Variants in PIR observed in about 807,000 individuals in gnomAD.
PIR encodes the protein pirin (iron-binding nuclear protein).
Under a neutral mutation model 24.2 loss-of-function variants are expected in PIR, and 22 were observed. The observed-to-expected ratio is 0.91, with a 90% confidence interval of 0.65 to 1.30. The LOEUF (loss-of-function observed/expected upper bound fraction) is 1.30. Ranked by LOEUF, PIR falls within the 50% of genes most tolerant of loss-of-function variation. The pLI, the probability that PIR is intolerant of heterozygous loss-of-function variation, is 0.00. For synonymous variants in PIR, 80 were observed against 79.6 expected (o/e 1.00, Z -0.03); for missense variants, 220 against 220.3 (o/e 1.00, Z 0.01).
intron 6 of PIR, among the ~76,000 whole-genome samples, chrX:15,420,075 T>C (rs1329786770): frequency 9.2e-6 from 1 of 109,028 alleles, no homozygotes; most frequent in Non-Finnish European, 1.9e-5. Flanking sequence ...CATGCGCCTG[T>C]AGTCTCAGGT....
chrX:15,394,435 C>T (rs970935729), intron 8 of PIR, among the ~76,000 whole-genome samples: 1 of 111,554 alleles, frequency 9.0e-6, no homozygotes, highest in African/African-American at 3.3e-5. Context: ...TGAATAGTGC[C>T]AGTTAAAAAG....
chrX:15,483,927 T>C (rs1769245853), intron 2 of PIR, among the ~76,000 whole-genome samples: 1 of 112,666 alleles, frequency 8.9e-6, no homozygotes, highest in Admixed American at 9.4e-5. Context: ...TGTGTTGTTG[T>C]GGTTCTATTA....
intron 7 of PIR, among the ~76,000 whole-genome samples, chrX:15,398,630 T>G (rs776064887): frequency 9.1e-6 from 1 of 109,462 alleles, no homozygotes; most frequent in East Asian, 2.9e-4. Context: ...TTTAAACCCA[T>G]GTTTATCTGT....
intron 5 of PIR, among the ~76,000 whole-genome samples, chrX:15,430,016 T>C (rs946933665): frequency 6.2e-5 from 7 of 112,072 alleles, no homozygotes; most frequent in Non-Finnish European, 9.4e-5. Flanking sequence ...TTATGTATAG[T>C]ATTAAACTAT....
intron 5 of PIR, among the ~76,000 whole-genome samples, chrX:15,437,898 T>C (rs1925800324): frequency 8.9e-6 from 1 of 112,515 alleles, no homozygotes; most frequent in Admixed American, 9.4e-5. Context: ...CTTGTGCCAC[T>C]GTCTCTGGAA....
chrX:15,451,950 C>T lies in PIR; in HGVS notation c.480+3898G>A, dbSNP rs763574692. The stretch of plus-strand genomic sequence containing the variant: ...TACAAGTAATAGCCAACCTAATCCT[C>T]CCAGCAACCCTCTGAGCTGGGTCAT... On this transcript the variant is annotated intron_variant, in intron 5 of 9. Transcript: ENST00000380420. 5.4e-5 allele frequency among the ~76,000 whole-genome samples: 6 copies of T among 111,855 alleles called. No homozygotes were observed. The East Asian group carries it at 1.4e-3, about 26-fold the overall frequency.
chrX:15,491,438 G>T (rs1923155308), intron 1 of PIR, 129 bp from the exon 2 acceptor site: 1 of 376,590 alleles, frequency 2.7e-6, no homozygotes, highest in East Asian at 4.3e-5. Flanking sequence ...CTTACTATGT[G>T]CAGGGCCTGG....
intron 6 of PIR, among the ~76,000 whole-genome samples, chrX:15,408,659 C>T (rs954620193): frequency 3.6e-5 from 4 of 111,438 alleles, no homozygotes; most frequent in Admixed American, 9.5e-5. Context: ...AAGGCACAGT[C>T]GAAATGGAAT....
At chrX:15,442,503 T>C (rs1254930103) in intron 5 of PIR, among the ~76,000 whole-genome samples, 1 of 111,625 alleles carries the variant, frequency 9.0e-6, no homozygotes, top group African/African-American at 3.3e-5. Context: ...CTAGAAATGA[T>C]TAAGCTTAGT....
At chrX:15,491,084 C>T in intron 2 of PIR, 78 bp downstream of exon 2, 1 of 716,512 alleles carries the variant, frequency 1.4e-6, no homozygotes, top group Non-Finnish European at 2.2e-6. Context: ...TCTTGGCCCC[C>T]TCTTCCCAAA....
At chrX:15,399,520 A>T (rs1924308660) in intron 7 of PIR, among the ~76,000 whole-genome samples, 1 of 111,847 alleles carries the variant, frequency 8.9e-6, no homozygotes, top group African/African-American at 3.3e-5. Flanking sequence ...GCATGGGTGG[A>T]CTTTGATAGG....
chrX:15,446,916 A>C (rs4830953), intron 5 of PIR, among the ~76,000 whole-genome samples: 38,707 of 110,735 alleles, frequency 0.35, 5,089 homozygotes, highest in East Asian at 0.47. Context: ...AATGGATGGC[A>C]AAAAATGATT....
chrX:15,405,726 G>A (rs897939327), intron 7 of PIR, among the ~76,000 whole-genome samples: 9 of 111,841 alleles, frequency 8.0e-5, no homozygotes, highest in African/African-American at 2.6e-4. Flanking sequence ...TCTTCCAGAT[G>A]GTTAATATAG....
At position 15,480,285 on chromosome X, in the gene PIR, CCT is replaced by C. The variant is rs764224100; in HGVS notation, c.97-466_97-465del. Among the ~76,000 whole-genome samples the C allele has an allele frequency of 1.7e-3, 187 of 110,923 alleles. 1 individual carries two copies. Among genetic ancestry groups the C allele is most frequent in the African/African-American group, 5.9e-3 (181 of 30,504 alleles). ...ATGGAGCTGTTTGAGTCCAGTTAAA[CCT>C]CTTTCTTTTGTAAATTGCCCAGTTT... On this transcript the variant is annotated intron_variant, in intron 2 of 9. Transcript: ENST00000380420.
At chrX:15,440,143 T>C (rs1602270139) in intron 5 of PIR, among the ~76,000 whole-genome samples, 1 of 111,756 alleles carries the variant, frequency 8.9e-6, no homozygotes, top group African/African-American at 3.3e-5. Context: ...CCATTCCCCA[T>C]TGGCTCTCAG....
At chrX:15,422,237 A>T (rs1925155492) in intron 6 of PIR, among the ~76,000 whole-genome samples, 1 of 110,066 alleles carries the variant, frequency 9.1e-6, no homozygotes, top group East Asian at 2.8e-4. Flanking sequence ...GAAAAACTGA[A>T]TTCTTCTGAG....
intron 5 of PIR, among the ~76,000 whole-genome samples, chrX:15,426,809 A>G (rs1392413507): frequency 8.9e-6 from 1 of 111,938 alleles, no homozygotes; most frequent in Admixed American, 9.5e-5. Context: ...CTTGGTATAA[A>G]CACTTTGGGA....
At position 15,446,434 on chromosome X, in the gene PIR, T is replaced by A. The variant is rs865861907; in HGVS notation, c.480+9414A>T. On this transcript the variant is annotated intron_variant, in intron 5 of 9. Transcript: ENST00000380420. ...AAGAAGAATTGTCTTGGGCCACACA[T>A]AAAATACACTAACATTAATGATAGC... Among the ~76,000 whole-genome samples the A allele has an allele frequency of 4.5e-5, 5 of 109,906 alleles. No individual in the cohort carries two copies. The Middle Eastern group carries it at 0.014, about 304-fold the overall frequency.
chrX:15,450,416 G>C (rs1306989687), intron 5 of PIR, among the ~76,000 whole-genome samples: 1 of 110,816 alleles, frequency 9.0e-6, no homozygotes, highest in Non-Finnish European at 1.9e-5. Context: ...GAACTTGCTG[G>C]AATATTTCAA....
Sources: allele counts gnomAD v4.1 joint callset (sites outside exome capture counted in the v4.1 genomes callset), GRCh38; gene constraint gnomAD v4.1.1; transcripts MANE v1.5; gene names NCBI Gene and HGNC (gene_info 2026-07-23, HGNC 2026-07-21).